AP2B1: variants seen among roughly 807,000 people sequenced by gnomAD.
The protein encoded by AP2B1 is adaptor related protein complex 2 subunit beta 1, also known as AP-2 complex subunit beta.
Under a neutral mutation model 102.0 loss-of-function variants are expected in AP2B1, and 23 were observed. The ratio of observed to expected loss-of-function variants is 0.23; its 90% confidence interval spans 0.16 to 0.32. The LOEUF (loss-of-function observed/expected upper bound fraction) is 0.32, where lower values mean the gene tolerates loss of function less well. AP2B1 is among the 10% of genes least tolerant of loss of function. The pLI is 1.00. For missense variants in AP2B1, 541 were observed against 1,157.4 expected (o/e 0.47, Z 7.73); for synonymous variants, 381 against 421.2 (o/e 0.90, Z 1.17).
chr17:35,678,771 A>G (rs934753523), intron 17 of AP2B1, among the ~76,000 whole-genome samples: 1 of 152,116 alleles, frequency 6.6e-6, no homozygotes, highest in Non-Finnish European at 1.5e-5. Context: ...ACTTTTTTAC[A>G]TCTATGTTCA....
intron 18 of AP2B1, among the ~76,000 whole-genome samples, chr17:35,685,974 G>A (rs1047353939): frequency 6.6e-6 from 1 of 152,072 alleles, no homozygotes; most frequent in African/African-American, 2.4e-5. Context: ...TGTTAGCCAC[G>A]CTGGTTTCGA....
chr17:35,709,594 G>A (rs587664064), intron 19 of AP2B1, among the ~76,000 whole-genome samples: 2 of 152,252 alleles, frequency 1.3e-5, no homozygotes, highest in East Asian at 3.9e-4. Context: ...TTGAATCTCA[G>A]CTCTGCTATT....
intron 12 of AP2B1, among the ~76,000 whole-genome samples, chr17:35,649,495 C>T (rs1019687116): frequency 6.6e-6 from 1 of 152,170 alleles, no homozygotes; most frequent in African/African-American, 2.4e-5. Flanking sequence ...GTCCCAATCT[C>T]CTGGCCTCAG....
In AP2B1 at chr17:35,709,322, T is replaced by C; in HGVS notation, c.2539+14T>C. The C allele has an allele frequency of 6.2e-7, 1 of 1,604,278 alleles. No homozygotes were observed. The highest frequency in any genetic ancestry group is 1.7e-4 in the Middle Eastern group (1 of 6,044). On this transcript the variant is annotated intron_variant, in intron 19 of 21. Transcript: ENST00000610402. ...ATGGCAAAATGGGTAAGTACCTTCC[T>C]GCCTGTCCTGCTGAATATACCTTTG...
intron 18 of AP2B1, among the ~76,000 whole-genome samples, chr17:35,702,589 G>C (rs1340235617): frequency 6.6e-6 from 1 of 152,164 alleles, no homozygotes; most frequent in Non-Finnish European, 1.5e-5. Context: ...AAATATTTAT[G>C]AGCTGACCTA....
At chr17:35,629,558 C>T (rs914715693) in intron 9 of AP2B1, among the ~76,000 whole-genome samples, 1 of 152,072 alleles carries the variant, frequency 6.6e-6, no homozygotes, top group Non-Finnish European at 1.5e-5. Flanking sequence ...TGTTTCTGCA[C>T]TTTGAATTTA....
rs1026859019 is a variant in AP2B1, at chr17:35,620,775, G to T, written c.526-3622G>T. 2.6e-5 allele frequency among the ~76,000 whole-genome samples: 4 copies of T among 152,158 alleles called. No homozygotes were observed. The East Asian group carries it at 5.8e-4, about 22-fold the overall frequency. ...GAGATTACAGTGAGCTGTGATCAGT[G>T]CGACTGCATTCCAGCCTGGGCAACA... On this transcript the variant is annotated intron_variant, in intron 5 of 21. Coordinates refer to ENST00000610402, the MANE Select transcript of AP2B1 (RefSeq NM_001030006.2).
At chr17:35,607,346 T>C (rs1265975477) in intron 4 of AP2B1, among the ~76,000 whole-genome samples, 1 of 152,264 alleles carries the variant, frequency 6.6e-6, no homozygotes, top group Non-Finnish European at 1.5e-5. Flanking sequence ...CATGAACTTT[T>C]TGTTCTTTTC....
intron 5 of AP2B1, among the ~76,000 whole-genome samples, chr17:35,618,550 A>G (rs984687967): frequency 2.0e-5 from 3 of 152,196 alleles, no homozygotes; most frequent in Non-Finnish European, 4.4e-5. Flanking sequence ...ACTGAACTGG[A>G]AAGTGGTAAG....
At chr17:35,660,195 C>A in intron 14 of AP2B1, 1 of 505,622 alleles carries the variant, frequency 2.0e-6, no homozygotes, top group Non-Finnish European at 2.6e-6. Context: ...TGCGTAGGCT[C>A]ATCTTGAACT....
chr17:35,685,776 C>CT (rs2075917671), intron 18 of AP2B1, among the ~76,000 whole-genome samples: 1 of 150,614 alleles, frequency 6.6e-6, no homozygotes, highest in African/African-American at 2.4e-5. Context: ...TTTTTTTCTT[C>CT]TTTGAGATGG....
At position 35,670,907 on chromosome 17, in the gene AP2B1, C is replaced by T. The variant is rs1444116086; in HGVS notation, c.2031+9C>T. Reference sequence around the variant, plus strand: ...TTGGAGGAAGTCCGGCAGTAAGTGCCATCTGTTTTTTTCACCATGAGAAGC... The same window carrying T: ...TTGGAGGAAGTCCGGCAGTAAGTGCTATCTGTTTTTTTCACCATGAGAAGC... On this transcript the variant is annotated intron_variant, in intron 15 of 21. Coordinates refer to ENST00000610402, the MANE Select transcript of AP2B1 (RefSeq NM_001030006.2). 1.2e-6 allele frequency: 2 copies of T among 1,613,904 alleles called. No individual in the cohort carries two copies. Among genetic ancestry groups the T allele is most frequent in the African/African-American group, 1.3e-5 (1 of 74,980 alleles).
chr17:35,698,471 GGC>G (rs987859298), intron 18 of AP2B1, among the ~76,000 whole-genome samples: 11 of 152,218 alleles, frequency 7.2e-5, no homozygotes, highest in African/African-American at 2.6e-4. Flanking sequence ...CACCATGCCT[GGC>G]TAATTTTTTA....
intron 18 of AP2B1, among the ~76,000 whole-genome samples, chr17:35,688,019 G>T (rs757319662): frequency 6.6e-6 from 1 of 152,174 alleles, no homozygotes; most frequent in Non-Finnish European, 1.5e-5. Context: ...ACCCTTCAAA[G>T]TATACTATTG....
At chr17:35,693,347 T>C (rs1265094084) in intron 18 of AP2B1, among the ~76,000 whole-genome samples, 1 of 152,220 alleles carries the variant, frequency 6.6e-6, no homozygotes, top group Non-Finnish European at 1.5e-5. Context: ...AATGTCTTCC[T>C]TTAGGTTCTA....
chr17:35,704,988 G>A (rs375025110), intron 18 of AP2B1, among the ~76,000 whole-genome samples: 47 of 152,108 alleles, frequency 3.1e-4, no homozygotes, highest in African/African-American at 1.1e-3. Context: ...CCGAGATCGC[G>A]CCATTGCACT....
In AP2B1 at chr17:35,723,723, A is replaced by G; in HGVS notation, c.*24A>G. On this transcript the variant is annotated 3_prime_UTR_variant, in exon 22 of 22. Transcript: ENST00000610402. ...AACAAGACTGGTCCAGTACCCTTCA[A>G]CCATGCTGTGATCGGTGCAAGTCAA... 6.6e-7 allele frequency: 1 copy of G among 1,521,854 alleles called. No individual in the cohort carries two copies. The highest frequency in any genetic ancestry group is 1.1e-5 in the South Asian group (1 of 89,004). 94.3% of individuals were successfully genotyped at this position (1,521,854 alleles called of 1,614,324 possible). A position where few individuals can be genotyped will look rare whatever the true frequency, so the allele number is the denominator to read the frequency against.
intron 21 of AP2B1, among the ~76,000 whole-genome samples, chr17:35,718,312 CTGTGTGTG>C (rs57852031): frequency 0.054 from 7,546 of 139,288 alleles, 230 homozygotes; most frequent in East Asian, 0.18. Flanking sequence ...GTTGGAGTAG[CTGTGTGTG>C]TGTGTGTGTG....
At chr17:35,661,161 T>A (rs2075350112) in intron 14 of AP2B1, among the ~76,000 whole-genome samples, 1 of 151,980 alleles carries the variant, frequency 6.6e-6, no homozygotes, top group Non-Finnish European at 1.5e-5. Context: ...ACCATATGGT[T>A]CTCAACTCTA....
Sources: allele counts gnomAD v4.1 joint callset (sites outside exome capture counted in the v4.1 genomes callset), GRCh38; gene constraint gnomAD v4.1.1; transcripts MANE v1.5; gene names NCBI Gene and HGNC (gene_info 2026-07-23, HGNC 2026-07-21).